Variants in CDH18 observed in about 807,000 individuals in gnomAD.
CDH18 encodes cadherin-18.
A neutral mutation model predicts 67.9 loss-of-function variants in CDH18; 31 were observed. The observed-to-expected ratio is 0.46, with a 90% CI of 0.34 to 0.62. CDH18 has a LOEUF of 0.62. CDH18 is among the 20% of genes least tolerant of loss of function. The pLI is 0.01. For synonymous variants in CDH18, 362 were observed against 347.2 expected (o/e 1.04, Z -0.48); for missense variants, 890 against 975.5 (o/e 0.91, Z 1.17).
At chr5:20,242,636 A>ATATATATATATATATATATATATG (rs1743062374) in intron 2 of CDH18, among the ~76,000 whole-genome samples, 1 of 58,402 alleles carries the variant, frequency 1.7e-5, no homozygotes, top group African/African-American at 9.2e-5. Flanking sequence ...ATATATATGT[A>ATATATATATATATATATATATATG]TATATATATA....
At chr5:20,297,238 T>A (rs1747613154) in intron 1 of CDH18, among the ~76,000 whole-genome samples, 1 of 152,220 alleles carries the variant, frequency 6.6e-6, no homozygotes, top group East Asian at 1.9e-4. Context: ...TGCATGATTT[T>A]AAGCATTCTT....
chr5:20,051,587 T>C (rs554511208), intron 2 of CDH18, among the ~76,000 whole-genome samples: 4 of 152,112 alleles, frequency 2.6e-5, no homozygotes, highest in South Asian at 2.1e-4. Context: ...GTAACTAAAA[T>C]GAACCACAAT....
intron 3 of CDH18, among the ~76,000 whole-genome samples, chr5:19,822,513 A>G (rs1473253210): frequency 6.6e-6 from 1 of 152,166 alleles, no homozygotes; most frequent in Non-Finnish European, 1.5e-5. Context: ...GGACAGAGTA[A>G]AAAAGAGAGA....
chr5:20,320,374 G>T (rs1737891924), intron 1 of CDH18, among the ~76,000 whole-genome samples: 1 of 152,084 alleles, frequency 6.6e-6, no homozygotes, highest in Admixed American at 6.6e-5. Flanking sequence ...GAACCACTGA[G>T]GTGGGTCAAA....
rs376244138 is a variant in CDH18, at chr5:19,807,897, C to A, written c.228+30862G>T. Among the ~76,000 whole-genome samples, 4 of 152,142 alleles carry A rather than the reference C, an allele frequency of 2.6e-5. No homozygotes were observed. In the East Asian group the frequency reaches 5.8e-4, roughly 22 times the overall value. ...AATGTCAATTTAATGTTAACCTTTC[C>A]CAATCTATCTGCTTTTTTCACTACT... is the stretch of plus-strand genomic sequence containing the variant. On this transcript the variant is annotated intron_variant, in intron 3 of 12. Transcript: ENST00000382275.
chr5:20,472,963 T>G lies in CDH18; in HGVS notation c.-580+102499A>C, dbSNP rs142559037. On this transcript the variant is annotated intron_variant, in intron 1 of 14. Transcript: ENST00000507958. ...GTAATGGCATTGGTTGAATAGTTGATATATTTTAAGCATCATAAGCAGTAC... is the reference window on the plus strand; with the variant it reads ...GTAATGGCATTGGTTGAATAGTTGAGATATTTTAAGCATCATAAGCAGTAC... Among the ~76,000 whole-genome samples the G allele has an allele frequency of 7.2e-5, 11 of 152,318 alleles. No homozygotes were observed. The East Asian group carries it at 1.9e-3, about 27-fold the overall frequency.
At position 19,475,533 on chromosome 5, in the gene CDH18, A is replaced by AACACAC. The variant is rs143709369; in HGVS notation, c.1883-1823_1883-1818dup. Among the ~76,000 whole-genome samples, 78 of 146,888 alleles carry AACACAC rather than the reference A, an allele frequency of 5.3e-4. 1 individual carries two copies. Among genetic ancestry groups the AACACAC allele is most frequent in the African/African-American group, 1.8e-3 (73 of 40,398 alleles). ...CTATTGTTGGTTGGAGACCATCTGCAACACACACACACACACACACATACA... is the reference window on the plus strand; with the variant it reads ...CTATTGTTGGTTGGAGACCATCTGCAACACACACACACACACACACACACACATACA... On this transcript the variant is annotated intron_variant, in intron 12 of 12. Coordinates refer to ENST00000382275, the MANE Select transcript of CDH18 (RefSeq NM_004934.5).
rs1281714669 is a variant in CDH18 at position 19,684,390 on chromosome 5, C to T, written c.643+36957G>A. Among the ~76,000 whole-genome samples the T allele has an allele frequency of 4.0e-5, 6 of 150,694 alleles. No individual in the cohort carries two copies. In the East Asian group the frequency reaches 9.7e-4, roughly 24 times the overall value. ...AGGAATTAACATACACACCAACATG[C>T]CAATTAAAAGAGAAAGAATTGAGGG... On this transcript the variant is annotated intron_variant, in intron 5 of 12. Transcript: ENST00000382275.
chr5:20,255,605 G>T (rs1362849046), intron 1 of CDH18: 5 of 151,452 alleles, frequency 3.3e-5, no homozygotes, highest in Non-Finnish European at 5.9e-5. Flanking sequence ...ACAAAGCTGA[G>T]TTTGGAGAGC....
chr5:19,838,705 C>A, intron 3 of CDH18, 54 bp downstream of exon 3: 1 of 1,238,288 alleles, frequency 8.1e-7, no homozygotes, highest in Non-Finnish European at 1.2e-6. Context: ...ATGAGCTCAT[C>A]TTACCCCACA....
chr5:20,224,416 A>G (rs1177480275), intron 2 of CDH18, among the ~76,000 whole-genome samples: 1 of 151,994 alleles, frequency 6.6e-6, no homozygotes, highest in Non-Finnish European at 1.5e-5. Context: ...TGATTTTATA[A>G]TTTTAGATTT....
At chr5:20,238,738 A>G (rs560862137) in intron 2 of CDH18, among the ~76,000 whole-genome samples, 1 of 152,340 alleles carries the variant, frequency 6.6e-6, no homozygotes, top group Admixed American at 6.5e-5. Flanking sequence ...ATGAATGTTT[A>G]GAGTTGCTCT....
chr5:20,037,074 C>A (rs1739940064), intron 2 of CDH18, among the ~76,000 whole-genome samples: 1 of 152,028 alleles, frequency 6.6e-6, no homozygotes, highest in Non-Finnish European at 1.5e-5. Flanking sequence ...ATCCAATTTG[C>A]AAGTCTGTGT....
intron 2 of CDH18, among the ~76,000 whole-genome samples, chr5:20,088,584 T>C (rs1027443052): frequency 7.9e-5 from 12 of 152,160 alleles, no homozygotes; most frequent in African/African-American, 2.2e-4. Context: ...GGCCAGCATA[T>C]GGCAGACTGT....
chr5:19,531,872 A>C (rs1001786652), intron 9 of CDH18, among the ~76,000 whole-genome samples: 2 of 152,190 alleles, frequency 1.3e-5, no homozygotes, highest in South Asian at 2.1e-4. Context: ...TCCTGAAAAG[A>C]ATGACTCAAA....
intron 1 of CDH18, among the ~76,000 whole-genome samples, chr5:20,320,912 C>T (rs80112402): frequency 0.011 from 1,618 of 152,198 alleles, 30 homozygotes; most frequent in African/African-American, 0.036. Flanking sequence ...TTTTTGTCCC[C>T]TGGGAAACCT....
intron 3 of CDH18, among the ~76,000 whole-genome samples, chr5:19,811,723 T>A (rs1331261468): frequency 1.3e-5 from 2 of 152,038 alleles, no homozygotes; most frequent in Admixed American, 6.6e-5. Context: ...GAAAGACAAT[T>A]TAAATGAAAT....
chr5:19,610,037 CTG>C (rs1409890961), intron 6 of CDH18, among the ~76,000 whole-genome samples: 1 of 152,066 alleles, frequency 6.6e-6, no homozygotes, highest in African/African-American at 2.4e-5. Flanking sequence ...TGACACCAAA[CTG>C]TTGCAAAAGC....
intron 3 of CDH18, among the ~76,000 whole-genome samples, chr5:19,824,854 C>A (rs1009313206): frequency 6.6e-6 from 1 of 152,142 alleles, no homozygotes. Flanking sequence ...GGCCCAGTGT[C>A]CTTGCATCTG....
Sources: allele counts gnomAD v4.1 joint callset (sites outside exome capture counted in the v4.1 genomes callset), GRCh38; gene constraint gnomAD v4.1.1; transcripts MANE v1.5; gene names NCBI Gene and HGNC (gene_info 2026-07-23, HGNC 2026-07-21).